Variants in LRRC74A observed in about 807,000 individuals in gnomAD.
LRRC74A encodes the protein leucine rich repeat containing 74A.
LRRC74A carries 44 observed loss-of-function variants against 57.9 expected under a neutral mutation model. The observed-to-expected ratio is 0.76, with a 90% CI of 0.60 to 0.98. The LOEUF is 0.98. LRRC74A is among the 50% of genes least tolerant of loss of function. The probability of loss-of-function intolerance (pLI) is 0.00; values close to 1 mark genes in which losing one functional copy is unlikely to be tolerated. For synonymous variants in LRRC74A, 211 were observed against 219.4 expected (o/e 0.96, Z 0.34); for missense variants, 572 against 574.0 (o/e 1.00, Z 0.04).
chr14:76,840,448 C>T (rs1037693398), intron 5 of LRRC74A, among the ~76,000 whole-genome samples: 3 of 152,088 alleles, frequency 2.0e-5, no homozygotes, highest in Non-Finnish European at 4.4e-5. Flanking sequence ...CCAGGTACTC[C>T]AGCATCATCA....
intron 5 of LRRC74A, 53 bp downstream of exon 5, chr14:76,838,024 AGGGG>A: frequency 2.5e-6 from 3 of 1,216,016 alleles, no homozygotes; most frequent in South Asian, 2.7e-5. Flanking sequence ...GGGAGGGAAG[AGGGG>A]AAAAACAGAG....
Position 76,870,200 on chromosome 14 carries a change from C to A in LRRC74A, c.*51C>A. ...CTCGGCGAGAGGAGTCCTCGCAAGTCGGATGGTGGCAGGGAGGAGAGCAAG... is the reference window on the plus strand; with the variant it reads ...CTCGGCGAGAGGAGTCCTCGCAAGTAGGATGGTGGCAGGGAGGAGAGCAAG... On this transcript the variant is annotated 3_prime_UTR_variant, in exon 14 of 14. Coordinates refer to ENST00000689127, the MANE Select transcript of LRRC74A (RefSeq NM_001385106.1). 1 of 1,580,270 alleles carries A rather than the reference C, an allele frequency of 6.3e-7. No homozygotes were observed. Among genetic ancestry groups the A allele is most frequent in the Non-Finnish European group, 8.6e-7 (1 of 1,159,288 alleles).
intron 7 of LRRC74A, among the ~76,000 whole-genome samples, chr14:76,847,318 A>T (rs1566729602): frequency 1.3e-5 from 2 of 152,194 alleles, no homozygotes; most frequent in African/African-American, 2.4e-5. Context: ...AGACTGGATT[A>T]AAAAAATTTG....
chr14:76,868,788 G>A (rs534656941), intron 13 of LRRC74A, among the ~76,000 whole-genome samples: 2 of 152,336 alleles, frequency 1.3e-5, no homozygotes, highest in East Asian at 1.9e-4. Context: ...GAGAAACCGC[G>A]ATGCAGACAA....
intron 5 of LRRC74A, among the ~76,000 whole-genome samples, chr14:76,843,544 G>A (rs1417569622): frequency 6.6e-6 from 1 of 152,042 alleles, no homozygotes; most frequent in African/African-American, 2.4e-5. Flanking sequence ...TGCTGCTAAT[G>A]AATGCACAGG....
At chr14:76,866,467 C>G (rs1898802899) in intron 12 of LRRC74A, among the ~76,000 whole-genome samples, 1 of 152,202 alleles carries the variant, frequency 6.6e-6, no homozygotes, top group Middle Eastern at 3.2e-3. Flanking sequence ...TCACATTCCT[C>G]TCGCTCCCCA....
At chr14:76,845,191 G>A (rs1338021984) in intron 7 of LRRC74A, among the ~76,000 whole-genome samples, 10 of 152,088 alleles carry the variant, frequency 6.6e-5, no homozygotes, top group African/African-American at 2.4e-4. Flanking sequence ...AGGTGTGGTG[G>A]TGCACACCTG....
chr14:76,869,975 G>A, intron 13 of LRRC74A, 150 bp from the exon 14 acceptor site: 2 of 722,604 alleles, frequency 2.8e-6, no homozygotes, highest in Non-Finnish European at 4.8e-6. Context: ...TGTGTAGTGG[G>A]GGAGATATAA....
intron 10 of LRRC74A, among the ~76,000 whole-genome samples, chr14:76,859,116 G>A (rs949908805): frequency 3.3e-5 from 5 of 152,062 alleles, no homozygotes; most frequent in Non-Finnish European, 7.4e-5. Context: ...AGGCCAGGAT[G>A]CTGCCTTCAC....
At chr14:76,866,833 G>GC (rs1418563607) in intron 12 of LRRC74A, among the ~76,000 whole-genome samples, 3 of 150,876 alleles carry the variant, frequency 2.0e-5, no homozygotes, top group African/African-American at 7.3e-5. Flanking sequence ...GCTTTTTCCA[G>GC]CCCCTCCATG....
chr14:76,845,428 C>G (rs746367778), intron 7 of LRRC74A, among the ~76,000 whole-genome samples: 1 of 152,030 alleles, frequency 6.6e-6, no homozygotes, highest in African/African-American at 2.4e-5. Flanking sequence ...TAAAACTTTA[C>G]GATGATTAGA....
chr14:76,828,936 C>T (rs919965140), intron 2 of LRRC74A: 2 of 877,580 alleles, frequency 2.3e-6, no homozygotes, highest in Non-Finnish European at 2.7e-6. Flanking sequence ...TGTGGCCTAT[C>T]TTGCATCCCA....
At chr14:76,859,271 A>G (rs1566740429) in intron 10 of LRRC74A, among the ~76,000 whole-genome samples, 2 of 152,130 alleles carry the variant, frequency 1.3e-5, no homozygotes, top group Non-Finnish European at 2.9e-5. Context: ...GCGGTGACTC[A>G]CGCCTGTAAT....
chr14:76,868,261 G>A (rs533832741), intron 13 of LRRC74A, among the ~76,000 whole-genome samples: 38 of 152,278 alleles, frequency 2.5e-4, no homozygotes, highest in Non-Finnish European at 4.7e-4. Context: ...CCAGGAGGTC[G>A]AGACAAGCCT....
At chr14:76,828,925 C>A in intron 2 of LRRC74A, 1 of 774,270 alleles carries the variant, frequency 1.3e-6, no homozygotes. Flanking sequence ...TGGAGTGTTT[C>A]TGTGGCCTAT....
intron 5 of LRRC74A, among the ~76,000 whole-genome samples, chr14:76,839,293 T>G (rs1226312107): frequency 1.3e-5 from 2 of 152,220 alleles, no homozygotes; most frequent in Non-Finnish European, 2.9e-5. Context: ...GACTGCCAGG[T>G]TATAATTCTA....
chr14:76,859,272 C>T (rs755762123), intron 10 of LRRC74A, among the ~76,000 whole-genome samples: 4 of 152,248 alleles, frequency 2.6e-5, no homozygotes, highest in East Asian at 1.9e-4. Flanking sequence ...CGGTGACTCA[C>T]GCCTGTAATC....
chr14:76,866,214 C>T (rs1898783767), intron 12 of LRRC74A, 139 bp downstream of exon 12: 1 of 674,304 alleles, frequency 1.5e-6, no homozygotes, highest in East Asian at 2.8e-5. Context: ...CTATGGGACA[C>T]TCCCCTCATT....
In LRRC74A at chr14:76,857,464, C is replaced by G. The variant is rs779291197; in HGVS notation, c.1042C>G (p.Leu348Val). Residue 348 changes from leucine to valine, a missense_variant, in exon 10 of 14, where the codon CTT (leucine) becomes GTT (valine). By Grantham distance (32) the Leu-to-Val change is conservative (BLOSUM62 1). Transcript: ENST00000689127. ...GAACCCCAAATCCAGGATGGAAGAG[C>G]TTGATATTTCCGTAAGTGATCAAAT... ...KRNPKSRMEE[L>V]DISNVLVSEQ... 1 of 1,575,392 alleles carries G rather than the reference C, an allele frequency of 6.3e-7. No individual in the cohort carries two copies. Among genetic ancestry groups the G allele is most frequent in the South Asian group, 1.2e-5 (1 of 86,176 alleles).
Sources: allele counts gnomAD v4.1 joint callset (sites outside exome capture counted in the v4.1 genomes callset), GRCh38; gene constraint gnomAD v4.1.1; transcripts MANE v1.5; gene names NCBI Gene and HGNC (gene_info 2026-07-23, HGNC 2026-07-21).